Variants in FILIP1L observed in about 807,000 individuals in gnomAD.
The protein encoded by FILIP1L is filamin A interacting protein 1 like, also known as filamin A-interacting protein 1-like.
Under a neutral mutation model 96.6 loss-of-function variants are expected in FILIP1L, and 55 were observed. The ratio of observed to expected loss-of-function variants is 0.57; its 90% CI spans 0.46 to 0.71. FILIP1L has a LOEUF of 0.71. FILIP1L is among the 30% of genes least tolerant of loss of function. The pLI, the probability that FILIP1L is intolerant of heterozygous loss-of-function variation, is 0.00. For synonymous variants in FILIP1L, 467 were observed against 473.9 expected, an observed-to-expected ratio of 0.99 and a Z score of 0.19; for missense variants, 1,304 against 1,321.2, an observed-to-expected ratio of 0.99 and a Z score of 0.20.
At chr3:99,942,171 C>T (rs1707870506) in intron 1 of FILIP1L, among the ~76,000 whole-genome samples, 1 of 150,558 alleles carries the variant, frequency 6.6e-6, no homozygotes, top group African/African-American at 2.4e-5. Context: ...CACTGCACTC[C>T]AGCCTGGGTG....
chr3:100,026,858 T>C (rs1483360408), intron 1 of FILIP1L, among the ~76,000 whole-genome samples: 3 of 152,100 alleles, frequency 2.0e-5, no homozygotes, highest in Non-Finnish European at 4.4e-5. Flanking sequence ...ATCGCCCCAC[T>C]GCCCACAATC....
intron 1 of FILIP1L, among the ~76,000 whole-genome samples, chr3:99,978,887 A>C (rs77498172): frequency 6.8e-6 from 1 of 147,602 alleles, no homozygotes; most frequent in Non-Finnish European, 1.5e-5. Flanking sequence ...TCTTGTTTAC[A>C]AAAAAAAAAG....
At chr3:99,951,947 G>A (rs1708188514) in intron 1 of FILIP1L, among the ~76,000 whole-genome samples, 1 of 152,176 alleles carries the variant, frequency 6.6e-6, no homozygotes, top group African/African-American at 2.4e-5. Context: ...TGAAGTAATA[G>A]TGAGAGAACC....
chr3:99,978,021 A>G (rs1217033464), intron 1 of FILIP1L, among the ~76,000 whole-genome samples: 1 of 152,214 alleles, frequency 6.6e-6, no homozygotes, highest in Non-Finnish European at 1.5e-5. Flanking sequence ...GAAGTTCCTC[A>G]TAATTCCACC....
intron 1 of FILIP1L, among the ~76,000 whole-genome samples, chr3:100,110,805 T>C (rs2066478133): frequency 6.6e-6 from 1 of 152,160 alleles, no homozygotes; most frequent in African/African-American, 2.4e-5. Flanking sequence ...CACAACAGCC[T>C]ACTTATGCTT....
chr3:100,009,221 AT>A (rs1380035265), intron 1 of FILIP1L, among the ~76,000 whole-genome samples: 1 of 152,168 alleles, frequency 6.6e-6, no homozygotes, highest in Non-Finnish European at 1.5e-5. Flanking sequence ...AAATTCTTGG[AT>A]TTTAACCTAC....
At chr3:99,877,099 A>G (rs1354320777) in intron 4 of FILIP1L, among the ~76,000 whole-genome samples, 6 of 152,190 alleles carry the variant, frequency 3.9e-5, no homozygotes, top group Non-Finnish European at 8.8e-5. Flanking sequence ...GTGAATGAGA[A>G]TTCACCTCCG....
chr3:100,097,999 T>C (rs1396303553), intron 1 of FILIP1L, among the ~76,000 whole-genome samples: 3 of 152,238 alleles, frequency 2.0e-5, no homozygotes, highest in Non-Finnish European at 2.9e-5. Context: ...AATGTTTAGC[T>C]AGGCATAGTA....
At chr3:100,024,102 C>T (rs956470035) in intron 1 of FILIP1L, among the ~76,000 whole-genome samples, 1 of 152,136 alleles carries the variant, frequency 6.6e-6, no homozygotes, top group African/African-American at 2.4e-5. Context: ...ACATCTTCCA[C>T]ACTCCGTCTT....
chr3:100,015,879 T>G (rs1057173555), intron 1 of FILIP1L, among the ~76,000 whole-genome samples: 3 of 152,212 alleles, frequency 2.0e-5, no homozygotes, highest in Non-Finnish European at 4.4e-5. Context: ...GATGTATATA[T>G]GTGGAGAACC....
At chr3:99,992,198 G>T (rs946059614) in intron 1 of FILIP1L, among the ~76,000 whole-genome samples, 3 of 151,872 alleles carry the variant, frequency 2.0e-5, no homozygotes, top group Non-Finnish European at 4.4e-5. Flanking sequence ...TAGTGAAATT[G>T]CTGAATCAAA....
intron 1 of FILIP1L, among the ~76,000 whole-genome samples, chr3:100,099,239 A>G (rs1448249074): frequency 6.6e-6 from 1 of 152,208 alleles, no homozygotes; most frequent in Non-Finnish European, 1.5e-5. Context: ...TCATCTTAGT[A>G]CGCACACTAG....
chr3:100,098,645 A>G (rs932448453), intron 1 of FILIP1L, among the ~76,000 whole-genome samples: 1 of 152,224 alleles, frequency 6.6e-6, no homozygotes, highest in Non-Finnish European at 1.5e-5. Context: ...CTACTGGAGT[A>G]TAAGTACCTA....
intron 1 of FILIP1L, among the ~76,000 whole-genome samples, chr3:100,019,255 G>T (rs2064761233): frequency 6.6e-6 from 1 of 152,174 alleles, no homozygotes; most frequent in African/African-American, 2.4e-5. Flanking sequence ...AGCTACTCGG[G>T]AGGCTGAGGC....
At chr3:99,914,414 G>A (rs1474904434) in intron 4 of FILIP1L, among the ~76,000 whole-genome samples, 1 of 152,154 alleles carries the variant, frequency 6.6e-6, no homozygotes, top group Non-Finnish European at 1.5e-5. Context: ...TAATCTTTAA[G>A]TGTGTTTTTG....
chr3:99,989,751 AAT>A (rs1175888922), intron 1 of FILIP1L, among the ~76,000 whole-genome samples: 23 of 151,698 alleles, frequency 1.5e-4, no homozygotes, highest in African/African-American at 5.6e-4. Flanking sequence ...TTAGTATGCT[AAT>A]ATGTTATCAA....
In FILIP1L at chr3:100,060,488, C is replaced by T. The variant is rs1444631786; in HGVS notation, c.-11+53565G>A. On this transcript the variant is annotated intron_variant, in intron 1 of 5. Transcript: ENST00000477258. ...AAATCAGAGCACATTAGAATAGCAT[C>T]TTCACCCAAGAAAAAAAAAATACAT... 2.6e-5 allele frequency among the ~76,000 whole-genome samples: 4 copies of T among 152,068 alleles called. No individual in the cohort carries two copies. In the East Asian group the frequency reaches 7.7e-4, roughly 29 times the overall value.
At chr3:100,106,017 G>C (rs2066389049) in intron 1 of FILIP1L, among the ~76,000 whole-genome samples, 1 of 152,152 alleles carries the variant, frequency 6.6e-6, no homozygotes, top group African/African-American at 2.4e-5. Context: ...GAGTCTAGAA[G>C]TCAAGACAGA....
chr3:99,929,996 C>A lies in FILIP1L; in HGVS notation c.286G>T (p.Glu96Ter). Residue 96 changes from glutamate (E) to a stop codon, truncating the protein, a stop_gained, in exon 3 of 6, where the codon GAA becomes TAA. Transcript: ENST00000477258. LOFTEE classifies it high-confidence loss of function. ...TCCAGCAAAGCCAGGTCCATTTTTT[C>A]AGCCTTTAAAATGCCTATGACCTCA... ...RDEVIGILKA[E>*]KMDLALLEAQ... 6.2e-7 allele frequency: 1 copy of A among 1,613,692 alleles called. No homozygotes were observed. The highest frequency in any genetic ancestry group is 1.3e-5 in the African/African-American group (1 of 75,030).
Sources: allele counts gnomAD v4.1 joint callset (sites outside exome capture counted in the v4.1 genomes callset), GRCh38; gene constraint gnomAD v4.1.1; transcripts MANE v1.5; gene names NCBI Gene and HGNC (gene_info 2026-07-23, HGNC 2026-07-21).